The following LHFPL2 variants were observed in gnomAD, a reference collection of about 807,000 sequenced individuals.
LHFPL2 encodes the protein LHFPL tetraspan subfamily member 2 protein.
LHFPL2 carries 7 observed loss-of-function variants against 17.5 expected under a neutral mutation model. That is an observed-to-expected ratio of 0.40 (90% confidence interval 0.23 to 0.75). LHFPL2 has a LOEUF of 0.75. Ranked by LOEUF, LHFPL2 falls within the 30% of genes least tolerant of loss-of-function variation. The pLI, the probability that LHFPL2 is intolerant of heterozygous loss-of-function variation, is 0.37. For missense variants in LHFPL2, 241 were observed against 294.8 expected (o/e 0.82, Z 1.34); for synonymous variants, 134 against 116.2 (o/e 1.15, Z -0.99).
intron 2 of LHFPL2, among the ~76,000 whole-genome samples, chr5:78,580,838 T>G (rs1462820211): frequency 6.6e-6 from 1 of 152,064 alleles, no homozygotes; most frequent in Non-Finnish European, 1.5e-5. Context: ...GGGCTCTTTT[T>G]TGGTTCCATA....
chr5:78,517,038 G>C (rs1161159706), intron 3 of LHFPL2, among the ~76,000 whole-genome samples: 1 of 152,198 alleles, frequency 6.6e-6, no homozygotes, highest in Non-Finnish European at 1.5e-5. Context: ...CCAGAGTTGG[G>C]CTGGTCACTC....
At chr5:78,584,254 T>C (rs902551556) in intron 2 of LHFPL2, among the ~76,000 whole-genome samples, 4 of 152,212 alleles carry the variant, frequency 2.6e-5, no homozygotes, top group African/African-American at 9.7e-5. Context: ...CGGAGTAATT[T>C]GATCATCTGA....
intron 2 of LHFPL2, among the ~76,000 whole-genome samples, chr5:78,605,166 T>A (rs764455080): frequency 6.6e-6 from 1 of 152,238 alleles, no homozygotes; most frequent in Non-Finnish European, 1.5e-5. Flanking sequence ...GCAGAAGCCA[T>A]GGCTTGGCTT....
chr5:78,584,595 C>T (rs540686714), intron 2 of LHFPL2, among the ~76,000 whole-genome samples: 17 of 152,236 alleles, frequency 1.1e-4, no homozygotes, highest in African/African-American at 4.1e-4. Context: ...TTAGGATGCT[C>T]GGGGGTCAGG....
At chr5:78,552,601 G>T (rs890040357) in intron 3 of LHFPL2, among the ~76,000 whole-genome samples, 1 of 152,176 alleles carries the variant, frequency 6.6e-6, no homozygotes, top group East Asian at 1.9e-4. Context: ...CTAAGAGCAG[G>T]TATGCTCCTC....
intron 2 of LHFPL2, among the ~76,000 whole-genome samples, chr5:78,568,663 G>C (rs1204217540): frequency 6.6e-6 from 1 of 152,184 alleles, no homozygotes; most frequent in Non-Finnish European, 1.5e-5. Flanking sequence ...AAACAGAGTT[G>C]ACCCGAGGTG....
Position 78,579,311 on chromosome 5 carries a change from G to GT in LHFPL2, c.-244-14441dup, listed in dbSNP as rs376666114. On this transcript the variant is annotated intron_variant, in intron 2 of 4. Transcript: ENST00000380345. ...TGCTAAGATTCTTAGTGCTCGCAAG[G>GT]TTTTTTTTTTGTTGTTGTTGTTGTT... is the stretch of plus-strand genomic sequence containing the variant. 4.6e-3 allele frequency among the ~76,000 whole-genome samples: 683 copies of GT among 148,240 alleles called. 8 individuals are homozygous for GT. Among genetic ancestry groups the GT allele is most frequent in the African/African-American group, 0.013 (514 of 40,522 alleles).
chr5:78,509,856 A>T lies in LHFPL2; in HGVS notation c.358T>A (p.Phe120Ile). 1 of 1,614,084 alleles carries T rather than the reference A, an allele frequency of 6.2e-7. No homozygotes were observed. Among genetic ancestry groups the T allele is most frequent in the Non-Finnish European group, 8.5e-7 (1 of 1,180,040 alleles). ...ILCMVALVSV[F>I]TMCVQSIMKK... ...ATGATGCTCTGTACACACATGGTGA[A>T]GACGGACACCAAGGCCACCATGCAG... Residue 120 changes from phenylalanine (F) to isoleucine (I), a missense_variant, in exon 4 of 5, where the codon TTC becomes ATC. Phe to Ile is a conservative substitution (Grantham distance 21). Coordinates refer to ENST00000380345, the MANE Select transcript of LHFPL2 (RefSeq NM_005779.3).
At chr5:78,608,372 A>C (rs1389080769) in intron 2 of LHFPL2, among the ~76,000 whole-genome samples, 1 of 152,234 alleles carries the variant, frequency 6.6e-6, no homozygotes, top group Non-Finnish European at 1.5e-5. Flanking sequence ...GGAACATAAC[A>C]GATTGCCCAA....
chr5:78,500,767 A>G (rs543561879), intron 4 of LHFPL2, among the ~76,000 whole-genome samples: 29 of 152,162 alleles, frequency 1.9e-4, no homozygotes, highest in Non-Finnish European at 4.0e-4. Context: ...AGGTTCTCCA[A>G]TGAAAACTTT....
At chr5:78,549,831 A>G (rs1756389300) in intron 3 of LHFPL2, among the ~76,000 whole-genome samples, 1 of 152,232 alleles carries the variant, frequency 6.6e-6, no homozygotes, top group Non-Finnish European at 1.5e-5. Context: ...AGTAGCACAC[A>G]ATATGGTAAT....
At chr5:78,563,401 G>T (rs539227969) in intron 3 of LHFPL2, among the ~76,000 whole-genome samples, 6 of 152,044 alleles carry the variant, frequency 3.9e-5, no homozygotes, top group Non-Finnish European at 7.4e-5. Flanking sequence ...AGTAGATAAA[G>T]ATTATCAGTT....
At chr5:78,628,875 A>G (rs1745150818) in intron 2 of LHFPL2, among the ~76,000 whole-genome samples, 1 of 152,244 alleles carries the variant, frequency 6.6e-6, no homozygotes, top group South Asian at 2.1e-4. Flanking sequence ...AAGCTTGGCC[A>G]TTAGGAAATA....
At chr5:78,600,286 T>C (rs1197839711) in intron 2 of LHFPL2, among the ~76,000 whole-genome samples, 1 of 151,668 alleles carries the variant, frequency 6.6e-6, no homozygotes, top group Non-Finnish European at 1.5e-5. Context: ...ATTCTCCCCA[T>C]AGATGGCCAC....
chr5:78,634,612 G>T (rs1013297189), intron 1 of LHFPL2, among the ~76,000 whole-genome samples: 2 of 152,170 alleles, frequency 1.3e-5, no homozygotes, highest in African/African-American at 2.4e-5. Context: ...TTTCCAAGGG[G>T]TGTAATAAGC....
chr5:78,592,194 G>A (rs1234981429), intron 2 of LHFPL2, among the ~76,000 whole-genome samples: 1 of 152,188 alleles, frequency 6.6e-6, no homozygotes, highest in African/African-American at 2.4e-5. Flanking sequence ...ACTCCAGCCA[G>A]GAAATTCTGG....
At chr5:78,578,347 G>A (rs1033780550) in intron 2 of LHFPL2, among the ~76,000 whole-genome samples, 1 of 152,192 alleles carries the variant, frequency 6.6e-6, no homozygotes, top group Admixed American at 6.5e-5. Context: ...GGGCTGGGAA[G>A]AGGAGGAGTG....
intron 4 of LHFPL2, among the ~76,000 whole-genome samples, chr5:78,507,499 C>T (rs1419082114): frequency 6.6e-6 from 1 of 152,178 alleles, no homozygotes; most frequent in African/African-American, 2.4e-5. Context: ...GGAATTCACT[C>T]AACTAACGCC....
At position 78,488,819 on chromosome 5, in the gene LHFPL2, C is replaced by G. The variant is rs889328930; in HGVS notation, c.*78G>C. ...GCTTTGGTAGGTAAAGGTTAGTTCTCCACTTGACTCAAATGATGAAACTGT... is the reference window on the plus strand; with the variant it reads ...GCTTTGGTAGGTAAAGGTTAGTTCTGCACTTGACTCAAATGATGAAACTGT... On this transcript the variant is annotated 3_prime_UTR_variant, in exon 5 of 5. Coordinates refer to ENST00000380345, the MANE Select transcript of LHFPL2 (RefSeq NM_005779.3). 2.0e-6 allele frequency: 3 copies of G among 1,534,310 alleles called. No individual in the cohort carries two copies. Among genetic ancestry groups the G allele is most frequent in the African/African-American group, 2.7e-5 (2 of 73,402 alleles).
Sources: gnomAD v4.1 joint callset for allele counts (sites outside exome capture counted in the v4.1 genomes callset) on GRCh38, gnomAD v4.1.1 for gene constraint, MANE v1.5 for transcripts, NCBI Gene and HGNC (gene_info 2026-07-23, HGNC 2026-07-21) for gene names.